RGS6: variants seen among roughly 807,000 people sequenced by gnomAD.
The protein encoded by RGS6 is regulator of G protein signaling 6, also known as regulator of G-protein signaling 6.
Under a neutral mutation model 78.5 loss-of-function variants are expected in RGS6, and 30 were observed. That is an observed-to-expected ratio of 0.38 (90% confidence interval 0.29 to 0.52). The LOEUF is 0.52. Ranked by LOEUF, RGS6 falls within the 20% of genes least tolerant of loss-of-function variation. RGS6 has a pLI of 0.85. For missense variants in RGS6, 495 were observed against 609.7 expected (o/e 0.81, Z 1.98); for synonymous variants, 206 against 206.0 (o/e 1.00, Z 0.00).
rs183981156 is a variant in RGS6, at chr14:72,535,687, C to T, written c.1279-499C>T. On this transcript the variant is annotated intron_variant, in intron 15 of 17. Transcript: ENST00000553525. ...CTTCCTGTTGCCTTTTATAACCACACCTCCCTTGCTCCCTCTACTTCCTCA... is the reference window on the plus strand; with the variant it reads ...CTTCCTGTTGCCTTTTATAACCACATCTCCCTTGCTCCCTCTACTTCCTCA... Among the ~76,000 whole-genome samples the T allele has an allele frequency of 3.9e-5, 6 of 152,348 alleles. No homozygotes were observed. The East Asian group carries it at 1.2e-3, about 29-fold the overall frequency.
At chr14:72,342,031 T>C (rs1459580550) in intron 2 of RGS6, among the ~76,000 whole-genome samples, 1 of 152,158 alleles carries the variant, frequency 6.6e-6, no homozygotes. Context: ...ATGATATATA[T>C]GTTAGAACTT....
At chr14:72,620,127 C>A in the RGS6 span, 3 of 741,984 alleles carry the variant, frequency 4.0e-6, no homozygotes, top group Admixed American at 6.3e-5. Flanking sequence ...TCCTCACTGT[C>A]CCCTGAACAC....
intron 3 of RGS6, among the ~76,000 whole-genome samples, chr14:72,424,207 C>A (rs957320570): frequency 1.2e-4 from 19 of 152,204 alleles, no homozygotes; most frequent in African/African-American, 4.6e-4. Context: ...GCCAAGTATT[C>A]TGTCCTATTC....
the RGS6 span, among the ~76,000 whole-genome samples, chr14:72,605,761 T>A: frequency 6.6e-6 from 1 of 152,114 alleles, no homozygotes; most frequent in Non-Finnish European, 1.5e-5. Flanking sequence ...CAGACCCCCT[T>A]GGCAAAAGCC....
intron 2 of RGS6, among the ~76,000 whole-genome samples, chr14:72,125,845 A>G (rs1038009684): frequency 2.0e-5 from 3 of 152,126 alleles, no homozygotes; most frequent in Non-Finnish European, 2.9e-5. Context: ...GGCCTAGTTG[A>G]TGGGTTGGTG....
chr14:72,300,612 T>C (rs2065850985), intron 2 of RGS6, among the ~76,000 whole-genome samples: 1 of 152,240 alleles, frequency 6.6e-6, no homozygotes, highest in Non-Finnish European at 1.5e-5. Flanking sequence ...CTAATGTGAC[T>C]GAGTTGTGAA....
chr14:72,320,360 C>T (rs548880946), intron 2 of RGS6, among the ~76,000 whole-genome samples: 340 of 152,190 alleles, frequency 2.2e-3, no homozygotes, highest in African/African-American at 7.4e-3. Context: ...AGGTGGATCA[C>T]GAGGTCGGGA....
chr14:71,963,355 T>C (rs2093329248), intron 1 of RGS6, among the ~76,000 whole-genome samples: 1 of 152,204 alleles, frequency 6.6e-6, no homozygotes, highest in Non-Finnish European at 1.5e-5. Flanking sequence ...AATATATTTA[T>C]TTTTCTTAAT....
Position 72,014,677 on chromosome 14 carries a change from A to G in RGS6, c.84+49802A>G, listed in dbSNP as rs146292465. Among the ~76,000 whole-genome samples the G allele has an allele frequency of 2.2e-3, 338 of 152,342 alleles. 3 individuals carry two copies. Among genetic ancestry groups the G allele is most frequent in the African/African-American group, 7.7e-3 (320 of 41,582 alleles). On this transcript the variant is annotated intron_variant, in intron 2 of 17. Coordinates refer to ENST00000553525, the MANE Select transcript of RGS6 (RefSeq NM_001204424.2). ...AAATAGTCCAAGCCTACAGAACACAACATTACATGCCAGATAGGCACGTTC... is the reference window on the plus strand; with the variant it reads ...AAATAGTCCAAGCCTACAGAACACAGCATTACATGCCAGATAGGCACGTTC...
chr14:72,247,533 T>G (rs762642911), intron 2 of RGS6, among the ~76,000 whole-genome samples: 1 of 152,220 alleles, frequency 6.6e-6, no homozygotes, highest in African/African-American at 2.4e-5. Context: ...CAAGGAGAGA[T>G]AGGTGAAATC....
chr14:72,166,790 A>T (rs1369885841), intron 2 of RGS6, among the ~76,000 whole-genome samples: 2 of 152,234 alleles, frequency 1.3e-5, no homozygotes, highest in Admixed American at 6.5e-5. Context: ...GTAATGATCA[A>T]TCGCCAGACT....
chr14:72,042,920 G>T (rs2092545676), intron 2 of RGS6, among the ~76,000 whole-genome samples: 1 of 152,090 alleles, frequency 6.6e-6, no homozygotes, highest in Non-Finnish European at 1.5e-5. Flanking sequence ...TTCTACCTTT[G>T]CCAGTTACCT....
intron 2 of RGS6, among the ~76,000 whole-genome samples, chr14:71,976,831 C>T (rs1285841056): frequency 6.7e-6 from 1 of 149,180 alleles, no homozygotes; most frequent in Non-Finnish European, 1.5e-5. Flanking sequence ...CCTGAGGAAT[C>T]ACCACACTGA....
chr14:71,922,393 CT>C, the RGS6 span, among the ~76,000 whole-genome samples: 1 of 152,194 alleles, frequency 6.6e-6, no homozygotes, highest in Non-Finnish European at 1.5e-5. Context: ...TGTCTCTCCC[CT>C]GTGGTATATT....
At chr14:72,075,173 A>G (rs1054282196) in intron 2 of RGS6, among the ~76,000 whole-genome samples, 2 of 152,192 alleles carry the variant, frequency 1.3e-5, no homozygotes, top group Admixed American at 6.6e-5. Context: ...GATTTCTCCA[A>G]TTAGGCATAT....
chr14:72,340,552 G>C (rs537339473), intron 2 of RGS6, among the ~76,000 whole-genome samples: 1 of 152,142 alleles, frequency 6.6e-6, no homozygotes, highest in Non-Finnish European at 1.5e-5. Context: ...AGAGAATGAG[G>C]TGGGCCATCT....
chr14:72,044,014 T>A (rs557642654), intron 2 of RGS6, among the ~76,000 whole-genome samples: 1 of 152,314 alleles, frequency 6.6e-6, no homozygotes, highest in East Asian at 1.9e-4. Flanking sequence ...CTTCTCTCTT[T>A]GCATTTTTAT....
At chr14:72,021,764 G>A (rs918896656) in intron 2 of RGS6, among the ~76,000 whole-genome samples, 7 of 151,136 alleles carry the variant, frequency 4.6e-5, no homozygotes, top group Admixed American at 1.3e-4. Context: ...GGGCCACTGC[G>A]CCTGGCCTTT....
chr14:72,506,286 A>G (rs896502305), intron 13 of RGS6, among the ~76,000 whole-genome samples: 8 of 152,242 alleles, frequency 5.3e-5, no homozygotes, highest in East Asian at 1.9e-4. Flanking sequence ...AAATGCTGAC[A>G]TAAAACTCTA....
Sources: allele counts gnomAD v4.1 joint callset (sites outside exome capture counted in the v4.1 genomes callset), GRCh38; gene constraint gnomAD v4.1.1; transcripts MANE v1.5; gene names NCBI Gene and HGNC (gene_info 2026-07-23, HGNC 2026-07-21).